The following RHPN2 variants were observed in gnomAD, a reference collection of about 807,000 sequenced individuals.
The protein encoded by RHPN2 is rhophilin Rho GTPase binding protein 2, also known as rhophilin-2.
In RHPN2, 40 loss-of-function variants were observed where a neutral mutation model predicts 79.0. The observed-to-expected ratio is 0.51, with a 90% confidence interval of 0.39 to 0.66. The LOEUF is 0.66. Ranked by LOEUF, RHPN2 falls within the 30% of genes least tolerant of loss-of-function variation. The pLI is 0.00. For missense variants in RHPN2, 686 were observed against 883.5 expected, an observed-to-expected ratio of 0.78 and a Z score of 2.83; for synonymous variants, 285 against 363.5, an observed-to-expected ratio of 0.78 and a Z score of 2.46.
At chr19:32,993,367 G>A (rs1332413979) in intron 12 of RHPN2, among the ~76,000 whole-genome samples, 9 of 151,976 alleles carry the variant, frequency 5.9e-5, no homozygotes, top group African/African-American at 1.2e-4. Context: ...CCAACTACTC[G>A]GGAGGCTGAA....
In RHPN2 at chr19:32,980,987, C is replaced by T. The variant is rs528876257; in HGVS notation, c.1801-731G>A. Among the ~76,000 whole-genome samples, 54 of 152,142 alleles carry T rather than the reference C, an allele frequency of 3.5e-4. 1 individual carries two copies. The highest frequency in any genetic ancestry group is 1.2e-3 in the African/African-American group (50 of 41,528). ...CTGAGTAGCTGGGACTACAGACACC[C>T]GCCACCACACCTGGCTAATTTTTTG... On this transcript the variant is annotated intron_variant, in intron 14 of 14. Coordinates refer to ENST00000254260, the MANE Select transcript of RHPN2 (RefSeq NM_033103.5).
intron 12 of RHPN2, 78 bp downstream of exon 12, chr19:32,993,899 A>T (rs138196555): frequency 9.5e-7 from 1 of 1,051,558 alleles, no homozygotes; most frequent in Non-Finnish European, 1.5e-6. Context: ...AGCAGCCCAC[A>T]TGGACTAAGA....
intron 1 of RHPN2, among the ~76,000 whole-genome samples, chr19:33,049,609 G>C (rs1463400785): frequency 6.6e-6 from 1 of 152,144 alleles, no homozygotes; most frequent in Non-Finnish European, 1.5e-5. Context: ...CCACACTAAG[G>C]TTCGGACATT....
intron 14 of RHPN2, among the ~76,000 whole-genome samples, chr19:32,985,782 C>G (rs1020971270): frequency 6.6e-6 from 1 of 152,204 alleles, no homozygotes; most frequent in African/African-American, 2.4e-5. Flanking sequence ...CAGGCATGCA[C>G]CACCACATCC....
At chr19:33,028,223 T>C (rs942792036) in intron 2 of RHPN2, among the ~76,000 whole-genome samples, 27 of 151,856 alleles carry the variant, frequency 1.8e-4, no homozygotes, top group Middle Eastern at 3.4e-3. Context: ...ATGTCACCAT[T>C]ATGGCTTACT....
intron 2 of RHPN2, among the ~76,000 whole-genome samples, chr19:33,038,159 G>A (rs1972073528): frequency 6.6e-6 from 1 of 152,018 alleles, no homozygotes; most frequent in Admixed American, 6.6e-5. Flanking sequence ...AGAACAGCCT[G>A]GACAACATGG....
intron 4 of RHPN2, among the ~76,000 whole-genome samples, chr19:33,016,433 C>T (rs1396839446): frequency 6.6e-6 from 1 of 152,140 alleles, no homozygotes; most frequent in African/African-American, 2.4e-5. Flanking sequence ...GTAATCCCAA[C>T]ACTTTGGGAA....
At chr19:33,044,469 A>G (rs1185449231) in intron 1 of RHPN2, 105 bp from the exon 2 acceptor site, 12 of 810,158 alleles carry the variant, frequency 1.5e-5, no homozygotes, top group Middle Eastern at 2.3e-4. Flanking sequence ...ATCTTTTCTG[A>G]AAACAAAGCA....
chr19:33,011,594 C>T lies in RHPN2; in HGVS notation c.593+85G>A, dbSNP rs892939853. 4.2e-5 allele frequency: 66 copies of T among 1,578,162 alleles called. No homozygotes were observed. In the East Asian group the frequency reaches 5.8e-4, roughly 14 times the overall value. ...GGGGGCTGAGGTGCACAGGGGCACC[C>T]GCAGAGGGGCGTCTGTGATGCTGAG... On this transcript the variant is annotated intron_variant, in intron 6 of 14. Transcript: ENST00000254260.
chr19:33,057,140 T>C (rs1022042062), intron 1 of RHPN2, among the ~76,000 whole-genome samples: 2 of 121,922 alleles, frequency 1.6e-5, no homozygotes, highest in Non-Finnish European at 3.3e-5. Flanking sequence ...AAAAAAAGAG[T>C]TCGAGGCCAG....
intron 10 of RHPN2, among the ~76,000 whole-genome samples, chr19:32,999,153 A>T (rs538616994): frequency 9.9e-5 from 15 of 152,048 alleles, no homozygotes; most frequent in Non-Finnish European, 1.6e-4. Context: ...GCAGAGGGGC[A>T]GGTTAGGGTG....
chr19:33,021,716 C>T (rs1971925750), intron 3 of RHPN2, 70 bp from the exon 4 acceptor site: 1 of 1,143,012 alleles, frequency 8.7e-7, no homozygotes, highest in Non-Finnish European at 1.3e-6. Context: ...CGGCCTTGCC[C>T]TCAGCAGCCC....
intron 3 of RHPN2, among the ~76,000 whole-genome samples, chr19:33,022,603 G>A (rs193231380): frequency 1.3e-4 from 20 of 152,272 alleles, no homozygotes; most frequent in Non-Finnish European, 2.1e-4. Context: ...TGACCACTCC[G>A]TAACCACAGG....
At chr19:32,981,088 G>A (rs911801781) in intron 14 of RHPN2, among the ~76,000 whole-genome samples, 1 of 152,048 alleles carries the variant, frequency 6.6e-6, no homozygotes, top group Non-Finnish European at 1.5e-5. Flanking sequence ...GCCTCCCAAA[G>A]TGCTGGAATT....
At chr19:33,012,815 A>T (rs1308360887) in intron 4 of RHPN2, 91 bp from the exon 5 acceptor site, 2 of 742,082 alleles carry the variant, frequency 2.7e-6, no homozygotes, top group Non-Finnish European at 4.9e-6. Flanking sequence ...ACCCATTTTT[A>T]AAAAGGCAGA....
rs75770523 is a variant in RHPN2 at position 32,978,621 on chromosome 19, T to G, written c.*1375A>C. 6.6e-6 allele frequency: 1 copy of G among 152,582 alleles called. No individual in the cohort carries two copies. Among genetic ancestry groups the G allele is most frequent in the South Asian group, 2.1e-4 (1 of 4,826 alleles). The allele number at this position is 152,582 out of a possible 1,614,324, so 9.5% of individuals were successfully genotyped here. ...GTAAATGAATATGTTTATTTAAATA[T>G]GTATACAAGCATGGCCCTAGGAGCA... On this transcript the variant is annotated 3_prime_UTR_variant, in exon 15 of 15. Transcript: ENST00000254260.
intron 1 of RHPN2, among the ~76,000 whole-genome samples, chr19:33,058,974 A>C (rs1055560471): frequency 2.0e-5 from 3 of 152,082 alleles, no homozygotes; most frequent in African/African-American, 2.4e-5. Flanking sequence ...GCACATCTGT[A>C]GTCTCAGCCA....
At chr19:33,029,818 T>C (rs571708033) in intron 2 of RHPN2, among the ~76,000 whole-genome samples, 91 of 152,124 alleles carry the variant, frequency 6.0e-4, no homozygotes, top group African/African-American at 2.1e-3. Context: ...TGGGGTGAAA[T>C]TGGGAGGAGG....
intron 4 of RHPN2, among the ~76,000 whole-genome samples, chr19:33,013,196 CAAAAACA>C (rs976646638): frequency 2.7e-5 from 2 of 74,344 alleles, no homozygotes; most frequent in Non-Finnish European, 2.4e-5. Context: ...TTTAAAAAAA[CAAAAACA>C]AAAAACAAAA....
Sources: gnomAD v4.1 joint callset for allele counts (sites outside exome capture counted in the v4.1 genomes callset) on GRCh38, gnomAD v4.1.1 for gene constraint, MANE v1.5 for transcripts, NCBI Gene and HGNC (gene_info 2026-07-23, HGNC 2026-07-21) for gene names.